C16orf96: variants seen among roughly 807,000 people sequenced by gnomAD.
C16orf96 encodes chromosome 16 open reading frame 96, also known as uncharacterized protein C16orf96.
C16orf96 carries 108 observed loss-of-function variants against 103.6 expected under a neutral mutation model. The observed-to-expected ratio is 1.04, with a 90% confidence interval of 0.89 to 1.22. The LOEUF (loss-of-function observed/expected upper bound fraction) is 1.22. Ranked by LOEUF, C16orf96 falls within the 50% of genes most tolerant of loss-of-function variation. The pLI is 0.00. For missense variants in C16orf96, 1,586 were observed against 1,464.2 expected (o/e 1.08, Z -1.36); for synonymous variants, 566 against 593.5 (o/e 0.95, Z 0.67).
rs113353601 is a variant in C16orf96, at chr16:4,574,936, G to A, written c.607-36G>A. 2.5e-3 allele frequency: 3,888 copies of A among 1,545,080 alleles called. 90 individuals carry two copies. In the African/African-American group the frequency reaches 0.048, roughly 19 times the overall value. On this transcript the variant is annotated intron_variant, in intron 3 of 15. Transcript: ENST00000444310. ...GGTGTGGGGGACACTGCCCCCTCCA[G>A]GCTCACAGCCCTCATTTTCTACCCC...
chr16:4,542,086 T>C, the C16orf96 span, among the ~76,000 whole-genome samples: 3 of 152,226 alleles, frequency 2.0e-5, no homozygotes, highest in East Asian at 5.8e-4. Context: ...TCCAGAAATT[T>C]CCAGGCTGGT....
chr16:4,576,052 C>A lies in C16orf96; in HGVS notation c.1572C>A (p.His524Gln), dbSNP rs947228757. The A allele has an allele frequency of 6.4e-7, 1 of 1,551,388 alleles. No homozygotes were observed. Among genetic ancestry groups the A allele is most frequent in the Non-Finnish European group, 8.7e-7 (1 of 1,146,954 alleles). ...GKDVDPKDRA[H>Q]KDDVPKDRGG... ...ATGTGGACCCCAAGGATAGAGCTCACAAGGATGATGTCCCCAAAGATAGAG... is the reference window on the plus strand; with the variant it reads ...ATGTGGACCCCAAGGATAGAGCTCAAAAGGATGATGTCCCCAAAGATAGAG... Residue 524 changes from histidine (H) to glutamine (Q), a missense_variant, in exon 5 of 16, where the codon CAC becomes CAA. Transcript: ENST00000444310.
intron 14 of C16orf96, 51 bp from the exon 15 acceptor site, chr16:4,599,233 A>G: frequency 3.3e-6 from 5 of 1,504,748 alleles, no homozygotes; most frequent in Non-Finnish European, 3.6e-6. Context: ...GGCCTGACAC[A>G]GGCCCAGGGG....
chr16:4,582,878 C>G (rs1896824646), intron 7 of C16orf96, among the ~76,000 whole-genome samples: 1 of 152,158 alleles, frequency 6.6e-6, no homozygotes, highest in Admixed American at 6.6e-5. Context: ...CCACGTGTGC[C>G]AAAACAGAGC....
At chr16:4,557,630 T>C (rs1463033356) in intron 1 of C16orf96, among the ~76,000 whole-genome samples, 1 of 152,148 alleles carries the variant, frequency 6.6e-6, no homozygotes, top group Non-Finnish European at 1.5e-5. Flanking sequence ...TGACACTGAA[T>C]TGTTCACTTA....
Position 4,568,009 on chromosome 16 carries a change from T to C in C16orf96, c.421-3552T>C, listed in dbSNP as rs939121168. 2.6e-5 allele frequency among the ~76,000 whole-genome samples: 4 copies of C among 152,114 alleles called. 1 individual carries two copies. The highest frequency in any genetic ancestry group is 6.6e-5 in the Admixed American group (1 of 15,248). On this transcript the variant is annotated intron_variant, in intron 1 of 15. Coordinates refer to ENST00000444310, the MANE Select transcript of C16orf96 (RefSeq NM_001145011.2). The stretch of plus-strand genomic sequence containing the variant: ...CCACGTCCGGCCTGTTTTTGTTTTT[T>C]GTTTGTTTGTTTGTTTTAAGCCCTG...
intron 14 of C16orf96, among the ~76,000 whole-genome samples, chr16:4,595,690 T>TTTTG (rs146071830): frequency 4.6e-5 from 7 of 150,604 alleles, no homozygotes; most frequent in African/African-American, 1.7e-4. Context: ...ATTCTGGTTT[T>TTTTG]TTGTTGTTGT....
the C16orf96 span, among the ~76,000 whole-genome samples, chr16:4,542,282 T>C: frequency 6.6e-6 from 1 of 152,238 alleles, no homozygotes; most frequent in South Asian, 2.1e-4. Flanking sequence ...GGAGGATCAC[T>C]TGAGCCCAGG....
chr16:4,579,141 T>A (rs2059550879), intron 6 of C16orf96, 116 bp downstream of exon 6: 7 of 940,452 alleles, frequency 7.4e-6, no homozygotes, highest in Non-Finnish European at 9.6e-6. Context: ...CAAAACAGGC[T>A]GGGGGAAAGC....
Position 4,556,914 on chromosome 16 carries a change from GC to G in C16orf96, c.420+10del. The G allele has an allele frequency of 3.9e-6, 6 of 1,532,120 alleles. No individual in the cohort carries two copies. The highest frequency in any genetic ancestry group is 5.3e-6 in the Non-Finnish European group (6 of 1,133,822). The allele number at this position is 1,532,120 out of a possible 1,614,324, so 94.9% of individuals were successfully genotyped here. ...CATGATGAAGTCATGGCCAAGGTAC[GC>G]CCCCAGCCTCCAGACACTTCTTTTC... On this transcript the variant is annotated splice_donor_region_variant and intron_variant, in intron 1 of 15. Transcript: ENST00000444310.
intron 1 of C16orf96, among the ~76,000 whole-genome samples, chr16:4,564,419 G>T (rs2059365869): frequency 6.6e-6 from 1 of 152,148 alleles, no homozygotes; most frequent in South Asian, 2.1e-4. Context: ...ACCTATTGTT[G>T]CTTTCTTTAT....
intron 15 of C16orf96, among the ~76,000 whole-genome samples, 158 bp from the exon 16 acceptor site, chr16:4,599,942 C>T (rs927122979): frequency 8.5e-5 from 13 of 152,222 alleles, no homozygotes; most frequent in Admixed American, 2.6e-4. Context: ...TTTAGGGTGC[C>T]CAGGGCCCAG....
At chr16:4,540,704 G>A in the C16orf96 span, among the ~76,000 whole-genome samples, 1 of 151,928 alleles carries the variant, frequency 6.6e-6, no homozygotes, top group African/African-American at 2.4e-5. Flanking sequence ...TCCAGCCTGG[G>A]AGACAGAGCA....
the C16orf96 span, among the ~76,000 whole-genome samples, chr16:4,542,815 G>T: frequency 6.6e-6 from 1 of 152,010 alleles, no homozygotes; most frequent in Non-Finnish European, 1.5e-5. Context: ...AATTATCAAT[G>T]ATATATTTTA....
the C16orf96 span, among the ~76,000 whole-genome samples, chr16:4,541,113 T>C: frequency 6.6e-6 from 1 of 152,020 alleles, no homozygotes; most frequent in East Asian, 1.9e-4. Flanking sequence ...TGAGTTTCAC[T>C]ATGTTGGTCA....
chr16:4,548,202 C>T, the C16orf96 span, among the ~76,000 whole-genome samples: 2 of 152,122 alleles, frequency 1.3e-5, no homozygotes, highest in Admixed American at 6.6e-5. Context: ...CTGCCTCACT[C>T]GCTGTCAGAT....
chr16:4,579,830 C>T (rs1049964188), intron 6 of C16orf96, among the ~76,000 whole-genome samples, 185 bp from the exon 7 acceptor site: 4 of 152,036 alleles, frequency 2.6e-5, no homozygotes, highest in Non-Finnish European at 5.9e-5. Flanking sequence ...AGGCTGGTCT[C>T]GAGCTCCTGA....
upstream of C16orf96, among the ~76,000 whole-genome samples, chr16:4,551,744 G>A (rs892465460): frequency 2.0e-5 from 3 of 152,062 alleles, no homozygotes; most frequent in Admixed American, 6.6e-5. Flanking sequence ...GAGCCACCGC[G>A]CCTGGCCATT....
At chr16:4,548,125 A>C in the C16orf96 span, among the ~76,000 whole-genome samples, 4 of 152,198 alleles carry the variant, frequency 2.6e-5, no homozygotes, top group Non-Finnish European at 5.9e-5. Context: ...CTCCGGGAGA[A>C]TTCGGACATG....
Sources: gnomAD v4.1 joint callset for allele counts (sites outside exome capture counted in the v4.1 genomes callset) on GRCh38, gnomAD v4.1.1 for gene constraint, MANE v1.5 for transcripts, NCBI Gene and HGNC (gene_info 2026-07-23, HGNC 2026-07-21) for gene names.